Variants in MCU observed in about 807,000 individuals in gnomAD.
MCU encodes the protein calcium uniporter protein, mitochondrial.
In MCU, 12 loss-of-function variants were observed where a neutral mutation model predicts 45.2. That is an observed-to-expected ratio of 0.27 (90% confidence interval 0.17 to 0.43). The LOEUF (loss-of-function observed/expected upper bound fraction) is 0.43. MCU is among the 20% of genes least tolerant of loss of function. MCU has a pLI of 1.00. For synonymous variants in MCU, 160 were observed against 165.1 expected (o/e 0.97, Z 0.24); for missense variants, 324 against 436.7 (o/e 0.74, Z 2.30).
intron 1 of MCU, among the ~76,000 whole-genome samples, chr10:72,781,697 A>AG: frequency 6.6e-6 from 1 of 152,206 alleles, no homozygotes; most frequent in East Asian, 1.9e-4. Context: ...GAAGAATGAG[A>AG]GTGACAGGTT....
intron 1 of MCU, among the ~76,000 whole-genome samples, chr10:72,751,673 ATGT>A (rs536317955): frequency 1.2e-3 from 188 of 151,122 alleles, no homozygotes; most frequent in Non-Finnish European, 1.7e-3. Flanking sequence ...CTTCTTAATG[ATGT>A]TGTTGTTGCA....
At chr10:72,810,113 T>G (rs1844516913) in intron 1 of MCU, among the ~76,000 whole-genome samples, 1 of 151,802 alleles carries the variant, frequency 6.6e-6, no homozygotes, top group African/African-American at 2.4e-5. Context: ...GCTATTGAAG[T>G]TGGAGACATT....
rs1052231347 is a variant in MCU at position 72,816,299 on chromosome 10, TA to T, written c.151-18059del. ...AGCTATTTCAGTGAAAACTTTAAAA[TA>T]TTTTTTAAATAATACGTAGGAATGG... On this transcript the variant is annotated intron_variant, in intron 1 of 7. Coordinates refer to ENST00000373053, the MANE Select transcript of MCU (RefSeq NM_138357.3). Among the ~76,000 whole-genome samples, 14 of 152,218 alleles carry T rather than the reference TA, an allele frequency of 9.2e-5. No homozygotes were observed. In the South Asian group the frequency reaches 1.2e-3, roughly 14 times the overall value.
intron 2 of MCU, among the ~76,000 whole-genome samples, chr10:72,848,818 T>A (rs1002527053): frequency 1.3e-5 from 2 of 152,114 alleles, no homozygotes; most frequent in Non-Finnish European, 1.5e-5. Flanking sequence ...GGATAGTGGC[T>A]TCATTTGGAA....
rs148854509 is a variant in MCU, at chr10:72,860,463, C to T, written c.432C>T (p.Leu144=). The change falls in exon 4 of 8, where the codon CTC becomes CTT. Residue 144 remains leucine, a synonymous_variant. Transcript: ENST00000373053. ...RVAASTGIDL[L]LLDDFKLVIN... is the part of the protein sequence containing the mutation. ...CTGCTTCAACAGGAATAGACCTCCT[C>T]CTCCTTGATGACTTTAAGCTGGTCA... 2,052 of 1,614,064 alleles carry T rather than the reference C, an allele frequency of 1.3e-3. 1 individual carries two copies. The highest frequency in any genetic ancestry group is 1.6e-3 in the Non-Finnish European group (1,901 of 1,179,980).
chr10:72,735,451 A>G (rs1843240106), intron 1 of MCU, among the ~76,000 whole-genome samples: 1 of 152,204 alleles, frequency 6.6e-6, no homozygotes, highest in Non-Finnish European at 1.5e-5. Context: ...TTCACTTGAC[A>G]GCATGTTCAT....
intron 1 of MCU, among the ~76,000 whole-genome samples, chr10:72,807,829 T>C (rs1252587075): frequency 6.6e-6 from 1 of 152,210 alleles, no homozygotes; most frequent in Non-Finnish European, 1.5e-5. Context: ...TCTGTTAATA[T>C]GTATTTCCTG....
chr10:72,828,582 A>G (rs1230327082), intron 1 of MCU, among the ~76,000 whole-genome samples: 4 of 151,780 alleles, frequency 2.6e-5, no homozygotes, highest in Non-Finnish European at 4.4e-5. Context: ...AGATTTGACA[A>G]TCCTCCCAAG....
intron 1 of MCU, among the ~76,000 whole-genome samples, chr10:72,796,602 C>T (rs1844249912): frequency 6.6e-6 from 1 of 152,066 alleles, no homozygotes; most frequent in African/African-American, 2.4e-5. Flanking sequence ...CAACCTCATC[C>T]TCCTAGGTTC....
intron 2 of MCU, among the ~76,000 whole-genome samples, chr10:72,845,927 T>C (rs1845115470): frequency 6.6e-6 from 1 of 152,224 alleles, no homozygotes; most frequent in South Asian, 2.1e-4. Flanking sequence ...GTATACACCA[T>C]GATCCTTTAT....
At chr10:72,873,024 T>G (rs917934635) in intron 6 of MCU, among the ~76,000 whole-genome samples, 5 of 138,920 alleles carry the variant, frequency 3.6e-5, no homozygotes, top group East Asian at 4.0e-4. Context: ...TTTTTTTTTT[T>G]TTTTTTTTTT....
intron 1 of MCU, among the ~76,000 whole-genome samples, chr10:72,693,921 G>A (rs1842656226): frequency 6.6e-6 from 1 of 152,204 alleles, no homozygotes; most frequent in African/African-American, 2.4e-5. Context: ...CAGTTTTTAA[G>A]ACTGTTTGGG....
At chr10:72,794,641 T>G (rs1238455672) in intron 1 of MCU, among the ~76,000 whole-genome samples, 2 of 152,248 alleles carry the variant, frequency 1.3e-5, no homozygotes, top group African/African-American at 4.8e-5. Context: ...CTGAATTTCT[T>G]ATGAATCAGT....
At chr10:72,748,042 C>T (rs1472447056) in intron 1 of MCU, among the ~76,000 whole-genome samples, 2 of 150,944 alleles carry the variant, frequency 1.3e-5, no homozygotes, top group Non-Finnish European at 3.0e-5. Flanking sequence ...AAGAGTCTTA[C>T]GACAACCATC....
Position 72,692,169 on chromosome 10 carries a change from T to G in MCU, c.18T>G (p.Gly6=), listed in dbSNP as rs367804495. The change falls in exon 1 of 8, where the codon GGT becomes GGG. Residue 6 remains glycine, a synonymous_variant. Coordinates refer to ENST00000373053, the MANE Select transcript of MCU (RefSeq NM_138357.3). ...GTTGAGAGATGGCGGCCGCCGCAGG[T>G]AGATCGCTCCTGCTGCTCCTCTCCT... MAAAA[G]RSLLLLLSSR... 1 of 1,289,178 alleles carries G rather than the reference T, an allele frequency of 7.8e-7. No homozygotes were observed. The highest frequency in any genetic ancestry group is 9.9e-7 in the Non-Finnish European group (1 of 1,011,344). The allele number at this position is 1,289,178 out of a possible 1,614,324, so 79.9% of individuals were successfully genotyped here. A position where few individuals can be genotyped will look rare whatever the true frequency, so the allele number is the denominator to read the frequency against.
intron 1 of MCU, chr10:72,731,261 AAATT>A (rs1396149711): frequency 6.6e-6 from 1 of 152,216 alleles, no homozygotes; most frequent in East Asian, 1.9e-4. Flanking sequence ...GAAAAAAAAT[AAATT>A]AAGGATGTGT....
chr10:72,870,427 T>C (rs1589506287), intron 5 of MCU, among the ~76,000 whole-genome samples: 1 of 151,880 alleles, frequency 6.6e-6, no homozygotes, highest in Non-Finnish European at 1.5e-5. Context: ...TACAGGCGCC[T>C]GCCACCACGC....
At chr10:72,872,246 A>G (rs1845552784) in intron 6 of MCU, among the ~76,000 whole-genome samples, 1 of 152,056 alleles carries the variant, frequency 6.6e-6, no homozygotes, top group African/African-American at 2.4e-5. Flanking sequence ...TCCCTCAAAC[A>G]TGTATTATTT....
At chr10:72,696,659 G>A (rs1842691545) in intron 1 of MCU, among the ~76,000 whole-genome samples, 1 of 152,150 alleles carries the variant, frequency 6.6e-6, no homozygotes, top group Admixed American at 6.6e-5. Flanking sequence ...AAGCAATGAT[G>A]TGTATCTTAT....
Sources: gnomAD v4.1 joint callset for allele counts (sites outside exome capture counted in the v4.1 genomes callset) on GRCh38, gnomAD v4.1.1 for gene constraint, MANE v1.5 for transcripts, NCBI Gene and HGNC (gene_info 2026-07-23, HGNC 2026-07-21) for gene names.